FRY: variants seen among roughly 807,000 people sequenced by gnomAD.
The protein encoded by FRY is FRY microtubule binding protein.
In FRY, 128 loss-of-function variants were observed where a neutral mutation model predicts 348.4. The ratio of observed to expected loss-of-function variants is 0.37; its 90% CI spans 0.32 to 0.43. The LOEUF (loss-of-function observed/expected upper bound fraction) is 0.43. Ranked by LOEUF, FRY falls within the 20% of genes least tolerant of loss-of-function variation. The pLI is 1.00. For synonymous variants in FRY, 1,370 were observed against 1,374.7 expected (o/e 1.00, Z 0.08); for missense variants, 2,736 against 3,695.2 (o/e 0.74, Z 6.73).
rs778183059 is a variant in FRY at position 32,236,140 on chromosome 13, G to C, written c.5778G>C (p.Leu1926Phe). Residue 1926 changes from leucine to phenylalanine, a missense_variant, in exon 43 of 61, where the codon TTG (leucine) becomes TTC (phenylalanine). By Grantham distance (22) the Leu-to-Phe change is conservative. Transcript: ENST00000542859. ...EAAVDNLSDC[L>F]KNSDLLTVLS... ...CTGTGGATAACTTGTCTGACTGCTT[G>C]AAGAACAGTGACCTCCTAACTGTAT... The C allele has an allele frequency of 3.1e-6, 5 of 1,613,740 alleles. No individual in the cohort carries two copies. The highest frequency in any genetic ancestry group is 4.2e-6 in the Non-Finnish European group (5 of 1,179,706).
intron 28 of FRY, among the ~76,000 whole-genome samples, chr13:32,189,976 A>T (rs1375154912): frequency 6.6e-6 from 1 of 152,056 alleles, no homozygotes; most frequent in Non-Finnish European, 1.5e-5. Context: ...GGGTTTATTG[A>T]AGAACTGTAA....
At chr13:32,186,657 T>C (rs1883044794) in intron 27 of FRY, among the ~76,000 whole-genome samples, 2 of 152,168 alleles carry the variant, frequency 1.3e-5, no homozygotes, top group African/African-American at 4.8e-5. Context: ...TTACCCATTA[T>C]ATAGCTGTCT....
At chr13:32,289,836 A>G in intron 59 of FRY, 93 bp downstream of exon 59, 1 of 745,782 alleles carries the variant, frequency 1.3e-6, no homozygotes, top group South Asian at 1.4e-5. Flanking sequence ...TGCCCAAGTG[A>G]TTTTATTCCC....
chr13:32,235,507 C>T (rs543067378), intron 42 of FRY, among the ~76,000 whole-genome samples: 3 of 152,190 alleles, frequency 2.0e-5, no homozygotes, highest in Admixed American at 2.0e-4. Flanking sequence ...GCCTATAATC[C>T]GAGCTACTCA....
intron 2 of FRY, among the ~76,000 whole-genome samples, chr13:32,088,264 T>G (rs1430366393): frequency 1.3e-5 from 2 of 152,204 alleles, no homozygotes; most frequent in African/African-American, 2.4e-5. Flanking sequence ...TTGAGTGTAG[T>G]GATAGAATCA....
chr13:32,063,994 G>A (rs768410883), intron 1 of FRY, among the ~76,000 whole-genome samples: 18 of 152,274 alleles, frequency 1.2e-4, no homozygotes, highest in Non-Finnish European at 2.6e-4. Context: ...TTGATATTAA[G>A]CCTAGTACTG....
intron 7 of FRY, among the ~76,000 whole-genome samples, chr13:32,128,276 T>G (rs1180191613): frequency 2.0e-5 from 3 of 152,194 alleles, no homozygotes; most frequent in African/African-American, 7.2e-5. Flanking sequence ...CTTCATTCTC[T>G]GATGCCCTGA....
intron 14 of FRY, among the ~76,000 whole-genome samples, chr13:32,152,924 C>A (rs1355139182): frequency 6.6e-6 from 1 of 151,842 alleles, no homozygotes; most frequent in Non-Finnish European, 1.5e-5. Flanking sequence ...AGAAAATAAC[C>A]CAATTTTTTA....
At chr13:32,268,758 C>G (rs753455277) in intron 55 of FRY, among the ~76,000 whole-genome samples, 49 of 151,750 alleles carry the variant, frequency 3.2e-4, no homozygotes, top group Non-Finnish European at 5.9e-4. Context: ...CACTCTGCCT[C>G]CCAGGTTCAA....
intron 1 of FRY, among the ~76,000 whole-genome samples, chr13:32,041,125 G>A (rs1872727937): frequency 6.6e-6 from 1 of 152,008 alleles, no homozygotes; most frequent in African/African-American, 2.4e-5. Flanking sequence ...AAGACAAATT[G>A]AAGTTTTTCT....
chr13:32,188,869 C>G (rs188670484), intron 28 of FRY, among the ~76,000 whole-genome samples: 298 of 152,090 alleles, frequency 2.0e-3, no homozygotes, highest in African/African-American at 6.7e-3. Context: ...AGTTTTGGTG[C>G]CCGTCACATG....
At chr13:32,295,079 A>C in intron 60 of FRY, 123 bp from the exon 61 acceptor site, 46 of 828,908 alleles carry the variant, frequency 5.5e-5, no homozygotes, top group Middle Eastern at 2.2e-4. Flanking sequence ...ATTACCTGAT[A>C]CAGGAATTCC....
chr13:32,239,141 A>G lies in FRY; in HGVS notation c.6419-111A>G, dbSNP rs909544512. The G allele has an allele frequency of 2.6e-6, 2 of 768,116 alleles. No homozygotes were observed. The highest frequency in any genetic ancestry group is 1.7e-5 in the African/African-American group (1 of 58,734). The allele number at this position is 768,116 out of a possible 1,614,324, so 47.6% of individuals were successfully genotyped here. ...GTTAGATCATGTTTAAGCTGATTCAAAAAACTGCTTTTGCATCACCTCAGT... is the reference window on the plus strand; with the variant it reads ...GTTAGATCATGTTTAAGCTGATTCAGAAAACTGCTTTTGCATCACCTCAGT... On this transcript the variant is annotated intron_variant, in intron 44 of 60. Coordinates refer to ENST00000542859, the MANE Select transcript of FRY (RefSeq NM_023037.3). The surrounding 1 kb of genome is among the most constrained non-coding windows in gnomAD (Gnocchi z 4.3).
intron 55 of FRY, among the ~76,000 whole-genome samples, chr13:32,272,912 AT>A (rs375185878): frequency 8.7e-4 from 128 of 147,120 alleles, no homozygotes; most frequent in African/African-American, 2.2e-3. Flanking sequence ...ATTTTTTGGT[AT>A]TTTTTTTTTT....
At chr13:32,202,146 C>T (rs1233119561) in intron 30 of FRY, 106 bp downstream of exon 30, 6 of 839,594 alleles carry the variant, frequency 7.1e-6, no homozygotes, top group East Asian at 2.5e-5. Context: ...TTGTTTATTT[C>T]TGCATATCAT....
chr13:32,235,273 G>C (rs1292029263), intron 42 of FRY, among the ~76,000 whole-genome samples: 2 of 152,222 alleles, frequency 1.3e-5, no homozygotes, highest in African/African-American at 4.8e-5. Flanking sequence ...AAGCTGAACA[G>C]GTTGAGAGCT....
chr13:32,291,253 A>G (rs1889339918), intron 59 of FRY, among the ~76,000 whole-genome samples: 1 of 152,092 alleles, frequency 6.6e-6, no homozygotes, highest in African/African-American at 2.4e-5. Flanking sequence ...AAACTATACG[A>G]CTTTATACTT....
chr13:32,095,924 A>G (rs773903198), intron 2 of FRY, among the ~76,000 whole-genome samples: 19 of 150,030 alleles, frequency 1.3e-4, no homozygotes, highest in South Asian at 4.2e-4. Context: ...TTATCTCTCT[A>G]TCCTTCCTCC....
chr13:32,261,723 T>A lies in FRY; in HGVS notation c.7524T>A (p.Thr2508=). The A allele has an allele frequency of 6.2e-7, 1 of 1,614,088 alleles. No homozygotes were observed. Among genetic ancestry groups the A allele is most frequent in the Non-Finnish European group, 8.5e-7 (1 of 1,180,000 alleles). ...AGGAGCGCCAACTGTCAGGAAGCAC[T>A]CCTAGCCTGAATAAAATGCACCATG... The part of the protein sequence containing the change: ...ILEERQLSGS[T]PSLNKMHHED... The change falls in exon 52 of 61, where the codon ACT becomes ACA. Residue 2508 remains threonine (T), a synonymous_variant. Transcript: ENST00000542859.
Sources: allele counts gnomAD v4.1 joint callset (sites outside exome capture counted in the v4.1 genomes callset), GRCh38; gene constraint gnomAD v4.1.1; non-coding constraint Gnocchi (gnomAD v3.1); transcripts MANE v1.5; gene names NCBI Gene and HGNC (gene_info 2026-07-23, HGNC 2026-07-21).